TLE3: variants seen among roughly 807,000 people sequenced by gnomAD.
TLE3 encodes the protein transducin-like enhancer protein 3.
Under a neutral mutation model 93.0 loss-of-function variants are expected in TLE3, and 14 were observed. The observed-to-expected ratio is 0.15, with a 90% CI of 0.10 to 0.24. The LOEUF (loss-of-function observed/expected upper bound fraction) is 0.24. Ranked by LOEUF, TLE3 falls within the 10% of genes least tolerant of loss-of-function variation. The probability of loss-of-function intolerance (pLI) is 1.00; values close to 1 mark genes in which losing one functional copy is unlikely to be tolerated. For synonymous variants in TLE3, 451 were observed against 425.0 expected (o/e 1.06, Z -0.75); for missense variants, 693 against 1,046.6 (o/e 0.66, Z 4.66).
chr15:70,065,969 G>GCC, intron 7 of TLE3, 45 bp downstream of exon 7: 1 of 1,294,406 alleles, frequency 7.7e-7, no homozygotes, highest in Admixed American at 1.8e-5. Context: ...GAGCGCCCAT[G>GCC]CCCACCCCTG....
chr15:70,065,524 G>C (rs1006240139), intron 7 of TLE3, among the ~76,000 whole-genome samples: 2 of 152,264 alleles, frequency 1.3e-5, no homozygotes. Context: ...AGACATAGAT[G>C]TAAGGAAAAC....
At position 70,097,029 on chromosome 15, in the gene TLE3, G is replaced by C; in HGVS notation, c.-231C>G. ...AAAGTCGTCGGCGGGCGCCGGGGCCGGGCGGCGGGCGCGGGCTTTGTGCGC... is the reference window on the plus strand; with the variant it reads ...AAAGTCGTCGGCGGGCGCCGGGGCCCGGCGGCGGGCGCGGGCTTTGTGCGC... On this transcript the variant is annotated 5_prime_UTR_variant, in exon 1 of 20. Coordinates refer to ENST00000451782, the MANE Select transcript of TLE3 (RefSeq NM_001105192.3). 5.2e-6 allele frequency: 3 copies of C among 577,690 alleles called. No individual in the cohort carries two copies. The highest frequency in any genetic ancestry group is 8.9e-6 in the Non-Finnish European group (3 of 335,830). 35.8% of individuals were successfully genotyped at this position (577,690 alleles called of 1,614,324 possible). A position where few individuals can be genotyped will look rare whatever the true frequency, so the allele number is the denominator to read the frequency against.
intron 4 of TLE3, among the ~76,000 whole-genome samples, chr15:70,083,993 G>A (rs1181483054): frequency 6.6e-6 from 1 of 152,206 alleles, no homozygotes; most frequent in Non-Finnish European, 1.5e-5. Context: ...AGGAAGGCAG[G>A]AGTGATGGCA....
intron 14 of TLE3, chr15:70,056,032 C>A (rs940264539): frequency 2.7e-4 from 149 of 552,592 alleles, no homozygotes; most frequent in Non-Finnish European, 1.3e-4. Flanking sequence ...TTCCTTCTCT[C>A]CCAGCCCAGT....
intron 8 of TLE3, among the ~76,000 whole-genome samples, chr15:70,062,130 A>G (rs755234870): frequency 1.3e-5 from 2 of 152,226 alleles, no homozygotes; most frequent in African/African-American, 2.4e-5. Flanking sequence ...TGCCCGAAGC[A>G]AATTAAAATG....
At chr15:70,059,291 T>C in intron 10 of TLE3, 119 bp downstream of exon 10, 1 of 1,228,898 alleles carries the variant, frequency 8.1e-7, no homozygotes, top group Non-Finnish European at 1.1e-6. Flanking sequence ...CTGGAGGCCT[T>C]GTCTCCCTGC....
In TLE3 at chr15:70,058,906, G is replaced by A. The variant is rs1427516997; in HGVS notation, c.766-91C>T. ...GGGAGTGGGAAGAGAGAGGGCATGG[G>A]CGATGGGAAGACGAGCTTGGCTGAA... is the stretch of plus-strand genomic sequence containing the variant. On this transcript the variant is annotated intron_variant, in intron 10 of 19. Transcript: ENST00000451782. The surrounding 1 kb of genome is among the most constrained non-coding windows in gnomAD (Gnocchi z 4.1). The A allele has an allele frequency of 7.0e-7, 1 of 1,429,530 alleles. No homozygotes were observed. The highest frequency in any genetic ancestry group is 9.2e-7 in the Non-Finnish European group (1 of 1,090,398). 88.6% of individuals were successfully genotyped at this position (1,429,530 alleles called of 1,614,324 possible). A position where few individuals can be genotyped will look rare whatever the true frequency, so the allele number is the denominator to read the frequency against.
intron 4 of TLE3, among the ~76,000 whole-genome samples, chr15:70,083,028 C>T (rs79120930): frequency 0.018 from 2,767 of 152,296 alleles, 80 homozygotes; most frequent in African/African-American, 0.063. Context: ...AAACAGGTAG[C>T]AACATACAGT....
intron 9 of TLE3, among the ~76,000 whole-genome samples, chr15:70,060,080 C>G (rs2056364266): frequency 6.6e-6 from 1 of 152,242 alleles, no homozygotes; most frequent in African/African-American, 2.4e-5. Flanking sequence ...CCACTAGGGT[C>G]TCACGTGCCG....
At chr15:70,084,985 G>A (rs572810463) in intron 4 of TLE3, among the ~76,000 whole-genome samples, 2 of 152,290 alleles carry the variant, frequency 1.3e-5, no homozygotes, top group South Asian at 4.1e-4. Context: ...CCAGCCACCC[G>A]TGGCTAGCTA....
Position 70,063,443 on chromosome 15 carries a change from C to T in TLE3, c.594+1011G>A, listed in dbSNP as rs575692123. ...TGTAGGCGGGTCAAGAGGCCACGGA[C>T]GCCAGCCTCACTGCTAATGGGAGGT... is the stretch of plus-strand genomic sequence containing the variant. On this transcript the variant is annotated intron_variant, in intron 8 of 19. Coordinates refer to ENST00000451782, the MANE Select transcript of TLE3 (RefSeq NM_001105192.3). Among the ~76,000 whole-genome samples, 8 of 152,290 alleles carry T rather than the reference C, an allele frequency of 5.3e-5. No homozygotes were observed. In the South Asian group the frequency reaches 6.2e-4, roughly 12 times the overall value.
At chr15:70,062,342 T>C (rs967823801) in intron 8 of TLE3, among the ~76,000 whole-genome samples, 59 of 152,316 alleles carry the variant, frequency 3.9e-4, no homozygotes, top group African/African-American at 1.4e-3. Flanking sequence ...CAGAAATGCT[T>C]CCAGCCCCTC....
At chr15:70,064,535 A>G (rs1309004763) in intron 7 of TLE3, 65 bp from the exon 8 acceptor site, 2 of 1,609,292 alleles carry the variant, frequency 1.2e-6, no homozygotes, top group African/African-American at 2.7e-5. Flanking sequence ...GACAAAAAAG[A>G]AAGGAAAAAG....
intron 4 of TLE3, among the ~76,000 whole-genome samples, chr15:70,076,614 G>T (rs188687334): frequency 6.6e-6 from 1 of 152,296 alleles, no homozygotes; most frequent in East Asian, 1.9e-4. Flanking sequence ...CTGATAAGCG[G>T]TCCTATGTGG....
intron 4 of TLE3, among the ~76,000 whole-genome samples, chr15:70,092,066 T>G (rs1343321098): frequency 7.1e-6 from 1 of 141,738 alleles, no homozygotes. Flanking sequence ...GGACACTGCA[T>G]GAATAATTCA....
intron 1 of TLE3, 21 bp from the exon 2 acceptor site, chr15:70,096,282 A>G: frequency 3.2e-6 from 5 of 1,549,116 alleles, no homozygotes; most frequent in Non-Finnish European, 4.4e-6. Flanking sequence ...CGAAGACAAG[A>G]CAGGGGAGGG....
At chr15:70,060,193 C>T (rs2056374250) in intron 9 of TLE3, among the ~76,000 whole-genome samples, 1 of 152,226 alleles carries the variant, frequency 6.6e-6, no homozygotes. Flanking sequence ...TTTTGGGGGT[C>T]ACTGGGAGCA....
At chr15:70,091,117 T>C (rs1271569165) in intron 4 of TLE3, among the ~76,000 whole-genome samples, 1 of 152,252 alleles carries the variant, frequency 6.6e-6, no homozygotes, top group African/African-American at 2.4e-5. Context: ...TCCTCATCTG[T>C]AACTTGAAAA....
intron 17 of TLE3, 178 bp downstream of exon 17, chr15:70,053,049 C>G: frequency 1.4e-6 from 1 of 734,802 alleles, no homozygotes; most frequent in Admixed American, 3.0e-5. Context: ...CCAAGGTCAT[C>G]TCCATCTGTT....
Sources: gnomAD v4.1 joint callset for allele counts (sites outside exome capture counted in the v4.1 genomes callset) on GRCh38, gnomAD v4.1.1 for gene constraint, Gnocchi (gnomAD v3.1) non-coding constraint, MANE v1.5 for transcripts, NCBI Gene and HGNC (gene_info 2026-07-23, HGNC 2026-07-21) for gene names.